The following ANKRD12 variants were observed in gnomAD, a reference collection of about 807,000 sequenced individuals.
ANKRD12 encodes ankyrin repeat domain-containing protein 12.
In ANKRD12, 85 loss-of-function variants were observed where a neutral mutation model predicts 183.4. The observed-to-expected ratio is 0.46, with a 90% CI of 0.39 to 0.56. The LOEUF (loss-of-function observed/expected upper bound fraction) is 0.56. ANKRD12 is among the 20% of genes least tolerant of loss of function. The probability of loss-of-function intolerance (pLI) is 0.00; values close to 1 mark genes in which losing one functional copy is unlikely to be tolerated. For synonymous variants in ANKRD12, 914 were observed against 800.2 expected, an observed-to-expected ratio of 1.14 and a Z score of -2.40; for missense variants, 2,405 against 2,357.1, an observed-to-expected ratio of 1.02 and a Z score of -0.42.
chr18:9,270,104 C>T (rs1402643390), intron 10 of ANKRD12, among the ~76,000 whole-genome samples: 1 of 152,148 alleles, frequency 6.6e-6, no homozygotes, highest in Non-Finnish European at 1.5e-5. Context: ...ATTAAAAAGT[C>T]AGGAAACAAC....
chr18:9,177,278 T>TTTGAATGATTCAG (rs1567880719), intron 1 of ANKRD12, among the ~76,000 whole-genome samples: 1 of 152,172 alleles, frequency 6.6e-6, no homozygotes, highest in Non-Finnish European at 1.5e-5. Context: ...CCAAGTATTC[T>TTTGAATGATTCAG]CATTCAGCAA....
chr18:9,257,141 G>A lies in ANKRD12; in HGVS notation c.3874G>A (p.Glu1292Lys), dbSNP rs748689920. 6.2e-7 allele frequency: 1 copy of A among 1,614,138 alleles called. No individual in the cohort carries two copies. The highest frequency in any genetic ancestry group is 1.3e-5 in the African/African-American group (1 of 75,052). Residue 1292 changes from glutamate (E) to lysine (K), a missense_variant, in exon 9 of 13, where the codon GAA becomes AAA. Glu to Lys is a moderately conservative substitution (Grantham distance 56). Around this residue, in one of 7 missense-constraint regions of ANKRD12, gnomAD observed 1,983 missense variants for 1,725.9 expected, o/e 1.15. Coordinates refer to ENST00000262126, the MANE Select transcript of ANKRD12 (RefSeq NM_015208.5). ...STSHLRSSSV[E>K]DVKLIISEGR... ...ATCCCATCTTAGGTCATCTTCTGTAGAAGATGTTAAACTAATTATAAGCGA... is the reference window on the plus strand; with the variant it reads ...ATCCCATCTTAGGTCATCTTCTGTAAAAGATGTTAAACTAATTATAAGCGA...
intron 1 of ANKRD12, among the ~76,000 whole-genome samples, chr18:9,138,263 A>C (rs2078193809): frequency 6.6e-6 from 1 of 152,276 alleles, no homozygotes; most frequent in Non-Finnish European, 1.5e-5. Context: ...CTATAATCCC[A>C]GCACTTTGGG....
At chr18:9,180,173 G>A (rs972029032) in intron 1 of ANKRD12, among the ~76,000 whole-genome samples, 2 of 152,028 alleles carry the variant, frequency 1.3e-5, no homozygotes, top group African/African-American at 4.8e-5. Context: ...TTGGTGTGTT[G>A]TCTTAGTGTA....
chr18:9,208,696 C>T lies in ANKRD12; in HGVS notation c.344C>T (p.Ala115Val). The change falls in exon 5 of 13, where the codon GCT (alanine) becomes GTT (valine). Residue 115 changes from alanine to valine, a missense_variant. Ala to Val is a moderately conservative substitution (Grantham distance 64, BLOSUM62 0). Transcript: ENST00000262126. ...GPEKKKTKKE[A>V]GNKKSTPVSI... ...GAAAAGAAGAAGACAAAAAAGGAAG[C>T]TGGAAATAAGAAATCCACACCAGTT... The T allele has an allele frequency of 6.2e-7, 1 of 1,610,182 alleles. No individual in the cohort carries two copies. The highest frequency in any genetic ancestry group is 8.5e-7 in the Non-Finnish European group (1 of 1,178,344).
rs531889907 is a variant in ANKRD12, at chr18:9,190,907, C to T, written c.88-4644C>T. Among the ~76,000 whole-genome samples, 8 of 152,204 alleles carry T rather than the reference C, an allele frequency of 5.3e-5. No homozygotes were observed. The South Asian group carries it at 1.0e-3, about 20-fold the overall frequency. The stretch of plus-strand genomic sequence containing the variant: ...TGTTTTGTCATTATAATTGCTTTAT[C>T]GTGGTGGTCTGGAACTGAATCTGCC... On this transcript the variant is annotated intron_variant, in intron 2 of 12. Coordinates refer to ENST00000262126, the MANE Select transcript of ANKRD12 (RefSeq NM_015208.5).
At chr18:9,259,694 A>C (rs990247318) in intron 9 of ANKRD12, 4 of 152,182 alleles carry the variant, frequency 2.6e-5, no homozygotes, top group African/African-American at 4.8e-5. Context: ...TTTAATGAGA[A>C]TTACTAAAGC....
intron 4 of ANKRD12, 141 bp from the exon 5 acceptor site, chr18:9,208,516 C>CT: frequency 1.8e-6 from 1 of 541,120 alleles, no homozygotes; most frequent in Non-Finnish European, 3.0e-6. Context: ...ACCCATTGTG[C>CT]TTTTGTCTGG....
At chr18:9,159,229 G>T (rs73392310) in intron 1 of ANKRD12, among the ~76,000 whole-genome samples, 1 of 149,592 alleles carries the variant, frequency 6.7e-6, no homozygotes, top group Non-Finnish European at 1.5e-5. Context: ...GGAAATATAT[G>T]TGTATATTAC....
intron 8 of ANKRD12, among the ~76,000 whole-genome samples, chr18:9,235,265 G>A (rs753003823): frequency 1.3e-5 from 2 of 152,156 alleles, no homozygotes; most frequent in African/African-American, 2.4e-5. Context: ...TTACTTAGAA[G>A]GCTGAGGTGG....
At chr18:9,149,954 G>A (rs565194713) in intron 1 of ANKRD12, among the ~76,000 whole-genome samples, 4 of 151,626 alleles carry the variant, frequency 2.6e-5, no homozygotes, top group Admixed American at 6.6e-5. Flanking sequence ...CGCCCACCAC[G>A]CCCGGCTAAT....
At chr18:9,143,534 T>C (rs2078391749) in intron 1 of ANKRD12, among the ~76,000 whole-genome samples, 1 of 152,154 alleles carries the variant, frequency 6.6e-6, no homozygotes, top group African/African-American at 2.4e-5. Flanking sequence ...GATCTTGGCG[T>C]ACTGCAACCT....
At position 9,256,223 on chromosome 18, in the gene ANKRD12, A is replaced by G. The variant is rs1184359116; in HGVS notation, c.2956A>G (p.Ile986Val). The G allele has an allele frequency of 1.3e-6, 2 of 1,592,322 alleles. No homozygotes were observed. Among genetic ancestry groups the G allele is most frequent in the Admixed American group, 1.8e-5 (1 of 54,580 alleles). Residue 986 changes from isoleucine to valine, a missense_variant, in exon 9 of 13, where the codon ATA becomes GTA. By Grantham distance (29) the Ile-to-Val change is conservative. This residue lies in a region of ANKRD12 where 1,983 missense variants were observed against 1,725.9 expected (regional missense o/e 1.15). Transcript: ENST00000262126. ...CATACAGGAAGAAAAAAAATCAAGT[A>G]TAGTAGACGGTAATAAAGCACAACA... The part of the protein sequence containing the change: ...KHIQEEKKSS[I>V]VDGNKAQHEK...
chr18:9,256,414 A>G lies in ANKRD12; in HGVS notation c.3147A>G (p.Ala1049=), dbSNP rs767670170. ...GCTTACTCAAACTAAAATCTGAAGC[A>G]GATAAGCCTAAACCTAAGTCATCAC... ...INSLLKLKSE[A]DKPKPKSSPA... is the part of the protein sequence containing the mutation. The change falls in exon 9 of 13, where the codon GCA becomes GCG. Residue 1049 remains alanine (A), a synonymous_variant. Transcript: ENST00000262126. The G allele has an allele frequency of 5.6e-6, 9 of 1,611,338 alleles. 1 individual carries two copies. In the South Asian group the frequency reaches 1.0e-4, roughly 18 times the overall value.
chr18:9,259,549 T>A (rs148674128), intron 9 of ANKRD12: 136 of 152,340 alleles, frequency 8.9e-4, no homozygotes, highest in African/African-American at 3.0e-3. Flanking sequence ...CAAGTTTGAC[T>A]TCCTTGAAAC....
intron 7 of ANKRD12, among the ~76,000 whole-genome samples, chr18:9,218,163 A>G (rs1391435089): frequency 6.6e-6 from 1 of 152,250 alleles, no homozygotes; most frequent in African/African-American, 2.4e-5. Flanking sequence ...GCCTGTGACT[A>G]AGACATGGTT....
At chr18:9,206,904 A>G (rs1369548097) in intron 4 of ANKRD12, among the ~76,000 whole-genome samples, 1 of 152,072 alleles carries the variant, frequency 6.6e-6, no homozygotes, top group Non-Finnish European at 1.5e-5. Context: ...TTTCCCCAAT[A>G]TTTAGAAAAT....
intron 10 of ANKRD12, among the ~76,000 whole-genome samples, chr18:9,275,050 G>A: frequency 6.6e-6 from 1 of 152,052 alleles, no homozygotes; most frequent in Non-Finnish European, 1.5e-5. Flanking sequence ...AATTAGCCAA[G>A]TGTGGTGGTC....
chr18:9,273,183 G>C (rs960279538), intron 10 of ANKRD12, among the ~76,000 whole-genome samples: 1 of 152,162 alleles, frequency 6.6e-6, no homozygotes, highest in Non-Finnish European at 1.5e-5. Flanking sequence ...GCACAAGTCC[G>C]TAGCAAATAT....
Sources: allele counts gnomAD v4.1 joint callset (sites outside exome capture counted in the v4.1 genomes callset), GRCh38; gene constraint gnomAD v4.1.1; regional missense constraint gnomAD v4.1.1; transcripts MANE v1.5; gene names NCBI Gene and HGNC (gene_info 2026-07-23, HGNC 2026-07-21).